Variants in SCN9A observed in about 807,000 individuals in gnomAD.
SCN9A encodes sodium channel protein type 9 subunit alpha.
SCN9A carries 131 observed loss-of-function variants against 187.0 expected under a neutral mutation model. The observed-to-expected ratio is 0.70, with a 90% CI of 0.61 to 0.81. The LOEUF (loss-of-function observed/expected upper bound fraction) is 0.81. Among genes scored for constraint, SCN9A ranks in the 30% least tolerant of loss-of-function variants. The pLI, the probability that SCN9A is intolerant of heterozygous loss-of-function variation, is 0.00. For synonymous variants in SCN9A, 809 were observed against 808.6 expected, an observed-to-expected ratio of 1.00 and a Z score of -0.01; for missense variants, 2,252 against 2,396.6, an observed-to-expected ratio of 0.94 and a Z score of 1.26.
intron 24 of SCN9A, among the ~76,000 whole-genome samples, chr2:166,223,789 G>C (rs1558961644): frequency 6.6e-6 from 1 of 151,718 alleles, no homozygotes; most frequent in East Asian, 1.9e-4. Flanking sequence ...ACTTTCATTT[G>C]TTTTTTTTCT....
At position 166,236,549 on chromosome 2, in the gene SCN9A, T is replaced by C. The variant is rs144192499; in HGVS notation, c.3801+1545A>G. Among the ~76,000 whole-genome samples, 1,357 of 152,156 alleles carry C rather than the reference T, an allele frequency of 8.9e-3. 17 individuals carry two copies. Among genetic ancestry groups the C allele is most frequent in the African/African-American group, 0.031 (1,282 of 41,500 alleles). ...GATTCTTCTGCCTCAGCCTCCTGAG[T>C]AGCTGGGATTACAGGCACCTGCCAC... is the stretch of plus-strand genomic sequence containing the variant. On this transcript the variant is annotated intron_variant, in intron 20 of 26. Coordinates refer to ENST00000642356, the MANE Select transcript of SCN9A (RefSeq NM_001365536.1).
intron 24 of SCN9A, among the ~76,000 whole-genome samples, chr2:166,208,637 A>AT (rs1238315459): frequency 6.6e-6 from 1 of 152,156 alleles, no homozygotes; most frequent in African/African-American, 2.4e-5. Flanking sequence ...CTAATTTCAC[A>AT]TGAAATCATT....
At chr2:166,278,632 T>G (rs945939642) in intron 14 of SCN9A, among the ~76,000 whole-genome samples, 1 of 152,116 alleles carries the variant, frequency 6.6e-6, no homozygotes, top group African/African-American at 2.4e-5. Context: ...TTCAAAGAAT[T>G]TATGTGGGTC....
intron 24 of SCN9A, among the ~76,000 whole-genome samples, chr2:166,212,348 T>C (rs1170117202): frequency 1.3e-5 from 2 of 152,050 alleles, no homozygotes; most frequent in African/African-American, 2.4e-5. Context: ...TGTAATTATA[T>C]CAGCCAAAAT....
intron 3 of SCN9A, 63 bp from the exon 4 acceptor site, chr2:166,306,662 C>A: frequency 1.7e-6 from 2 of 1,157,538 alleles, no homozygotes; most frequent in Non-Finnish European, 2.5e-6. Flanking sequence ...GAGGATGACA[C>A]TTGTTGAAAT....
chr2:166,300,291 A>G (rs1427895205), intron 7 of SCN9A, among the ~76,000 whole-genome samples: 1 of 150,604 alleles, frequency 6.6e-6, no homozygotes, highest in Admixed American at 6.6e-5. Context: ...CATTCTTTAA[A>G]CCCATACCCT....
At chr2:166,361,100 C>T (rs774332033) in intron 1 of SCN9A, among the ~76,000 whole-genome samples, 3 of 151,906 alleles carry the variant, frequency 2.0e-5, no homozygotes, top group East Asian at 1.9e-4. Context: ...TATAGCAAAC[C>T]GGAGCTGAAA....
At chr2:166,297,226 A>AAAAAAAAAAAAAAAAAAAC (rs1698354384) in intron 7 of SCN9A, among the ~76,000 whole-genome samples, 1 of 143,088 alleles carries the variant, frequency 7.0e-6, no homozygotes, top group Non-Finnish European at 1.5e-5. Flanking sequence ...AAAAAAAAAA[A>AAAAAAAAAAAAAAAAAAAC]AGAACCATGA....
intron 16 of SCN9A, among the ~76,000 whole-genome samples, chr2:166,273,757 T>A (rs1260683760): frequency 6.6e-6 from 1 of 152,144 alleles, no homozygotes; most frequent in Non-Finnish European, 1.5e-5. Context: ...GGAAATTGAA[T>A]TGGCATTTGA....
chr2:166,323,059 A>G (rs1699282823), intron 1 of SCN9A, among the ~76,000 whole-genome samples: 1 of 152,186 alleles, frequency 6.6e-6, no homozygotes, highest in Non-Finnish European at 1.5e-5. Flanking sequence ...TTTGAACTTT[A>G]TATGAAGACT....
intron 20 of SCN9A, 146 bp downstream of exon 20, chr2:166,237,948 A>G (rs1695393711): frequency 7.3e-6 from 4 of 545,604 alleles, no homozygotes; most frequent in Non-Finnish European, 1.3e-5. Flanking sequence ...GGCTGTGTTA[A>G]TATTTCTAAA....
At chr2:166,248,094 A>G (rs1010408416) in intron 18 of SCN9A, 5 of 152,186 alleles carry the variant, frequency 3.3e-5, no homozygotes, top group African/African-American at 1.2e-4. Context: ...ATGTGAGACT[A>G]TGAACAACAA....
intron 16 of SCN9A, among the ~76,000 whole-genome samples, chr2:166,275,796 A>G (rs931118568): frequency 3.3e-5 from 5 of 152,176 alleles, no homozygotes; most frequent in Admixed American, 1.3e-4. Flanking sequence ...TGCAGTAAAA[A>G]TCTAGAATTT....
intron 1 of SCN9A, among the ~76,000 whole-genome samples, chr2:166,341,380 C>T (rs2105282537): frequency 6.6e-6 from 1 of 152,270 alleles, no homozygotes; most frequent in African/African-American, 2.4e-5. Context: ...GTTACCAAGT[C>T]ATGTTTAAGG....
At chr2:166,251,943 T>C in intron 17 of SCN9A, 58 bp from the exon 18 acceptor site, 1 of 1,575,310 alleles carries the variant, frequency 6.3e-7, no homozygotes, top group South Asian at 1.1e-5. Context: ...TCAAATATGA[T>C]ATTTAAGCCT....
At chr2:166,308,009 C>CTG (rs1386422144) in intron 2 of SCN9A, among the ~76,000 whole-genome samples, 2 of 152,138 alleles carry the variant, frequency 1.3e-5, no homozygotes, top group Admixed American at 6.6e-5. Context: ...GGAGGTAAGT[C>CTG]TGTGAGTCAG....
At chr2:166,210,541 T>A (rs1574720282) in intron 24 of SCN9A, among the ~76,000 whole-genome samples, 17 of 94,310 alleles carry the variant, frequency 1.8e-4, no homozygotes, top group African/African-American at 3.2e-4. Flanking sequence ...AAAAGGTAGA[T>A]CATTTAAAAT....
chr2:166,329,886 C>A (rs1034413504), intron 1 of SCN9A, among the ~76,000 whole-genome samples: 2 of 152,096 alleles, frequency 1.3e-5, no homozygotes, highest in African/African-American at 4.8e-5. Context: ...TTGCTATGAT[C>A]CAGGAGCTGT....
intron 16 of SCN9A, 30 bp from the exon 17 acceptor site, chr2:166,272,905 A>G: frequency 1.0e-6 from 1 of 973,612 alleles, no homozygotes; most frequent in Non-Finnish European, 1.4e-6. Flanking sequence ...GGGGGTAGAG[A>G]AATAGGGAGA....
Sources: gnomAD v4.1 joint callset for allele counts (sites outside exome capture counted in the v4.1 genomes callset) on GRCh38, gnomAD v4.1.1 for gene constraint, MANE v1.5 for transcripts, NCBI Gene and HGNC (gene_info 2026-07-23, HGNC 2026-07-21) for gene names.